Variants in KCNQ5 observed in about 807,000 individuals in gnomAD.
KCNQ5 encodes the protein potassium voltage-gated channel subfamily Q member 5.
KCNQ5 carries 30 observed loss-of-function variants against 98.2 expected under a neutral mutation model. That is an observed-to-expected ratio of 0.31 (90% CI 0.23 to 0.41). The LOEUF is 0.41. KCNQ5 is among the 10% of genes least tolerant of loss of function. KCNQ5 has a pLI of 1.00. For missense variants in KCNQ5, 835 were observed against 1,182.5 expected (o/e 0.71, Z 4.31); for synonymous variants, 458 against 449.4 (o/e 1.02, Z -0.24).
At chr6:72,748,385 G>T (rs1187497335) in intron 1 of KCNQ5, among the ~76,000 whole-genome samples, 1 of 152,002 alleles carries the variant, frequency 6.6e-6, no homozygotes, top group Non-Finnish European at 1.5e-5. Context: ...CCGCCTATTG[G>T]TGCATTACTT....
intron 1 of KCNQ5, among the ~76,000 whole-genome samples, chr6:72,791,456 G>A (rs1384419688): frequency 6.6e-6 from 1 of 152,064 alleles, no homozygotes; most frequent in Non-Finnish European, 1.5e-5. Flanking sequence ...CATGGAACTT[G>A]GGAAAACATT....
intron 1 of KCNQ5, among the ~76,000 whole-genome samples, chr6:72,682,728 A>T (rs1052784074): frequency 6.6e-6 from 1 of 152,130 alleles, no homozygotes; most frequent in Non-Finnish European, 1.5e-5. Flanking sequence ...GGTATCTTCT[A>T]TTTTACCATT....
intron 3 of KCNQ5, among the ~76,000 whole-genome samples, chr6:73,061,284 G>A (rs776346776): frequency 9.2e-5 from 14 of 152,156 alleles, no homozygotes; most frequent in Non-Finnish European, 2.1e-4. Flanking sequence ...ACTGAGGATA[G>A]CGAATGAGGA....
rs144293021 is a variant in KCNQ5, at chr6:72,939,890, G to A, written c.399-64018G>A. Among the ~76,000 whole-genome samples the A allele has an allele frequency of 1.8e-3, 269 of 152,232 alleles. 3 individuals carry two copies. Among genetic ancestry groups the A allele is most frequent in the East Asian group, 9.4e-3 (49 of 5,186 alleles). On this transcript the variant is annotated intron_variant, in intron 1 of 13. Transcript: ENST00000370398. ...ATGAAGATGAGTAAAATGTAAAAATGGGTAGAAAGATTAATAGCAACCATC... is the reference window on the plus strand; with the variant it reads ...ATGAAGATGAGTAAAATGTAAAAATAGGTAGAAAGATTAATAGCAACCATC...
intron 3 of KCNQ5, among the ~76,000 whole-genome samples, chr6:73,061,259 G>T (rs957353559): frequency 2.0e-5 from 3 of 152,152 alleles, no homozygotes; most frequent in Admixed American, 6.5e-5. Context: ...AAAAAGAAGA[G>T]AATAAAAATG....
intron 10 of KCNQ5, among the ~76,000 whole-genome samples, chr6:73,145,199 G>A (rs1018971266): frequency 2.6e-5 from 4 of 152,230 alleles, no homozygotes; most frequent in Admixed American, 6.5e-5. Context: ...CTCATGTATC[G>A]AGGCATTGGC....
intron 1 of KCNQ5, among the ~76,000 whole-genome samples, chr6:72,720,505 T>G (rs1744928945): frequency 6.6e-6 from 1 of 152,188 alleles, no homozygotes; most frequent in Non-Finnish European, 1.5e-5. Flanking sequence ...TTCTTTTCCC[T>G]TGTTCCCACA....
chr6:72,720,872 A>G (rs935471953), intron 1 of KCNQ5, among the ~76,000 whole-genome samples: 2 of 152,126 alleles, frequency 1.3e-5, no homozygotes, highest in African/African-American at 2.4e-5. Context: ...CTCAATACCT[A>G]TTGCTTCTTC....
At chr6:72,945,787 CA>C (rs1215912025) in intron 1 of KCNQ5, among the ~76,000 whole-genome samples, 6 of 152,048 alleles carry the variant, frequency 3.9e-5, no homozygotes, top group Non-Finnish European at 8.8e-5. Flanking sequence ...ATGATTATAT[CA>C]AACAAATTAA....
At chr6:73,068,163 G>A (rs1382059753) in intron 3 of KCNQ5, among the ~76,000 whole-genome samples, 1 of 152,044 alleles carries the variant, frequency 6.6e-6, no homozygotes, top group Non-Finnish European at 1.5e-5. Flanking sequence ...GGGCATGGTG[G>A]CGGGTGCCTG....
intron 1 of KCNQ5, among the ~76,000 whole-genome samples, chr6:72,954,032 C>T (rs1311379675): frequency 1.3e-5 from 2 of 152,174 alleles, no homozygotes; most frequent in African/African-American, 4.8e-5. Flanking sequence ...GCTCTTGATA[C>T]TTAAGTTCAG....
intron 3 of KCNQ5, among the ~76,000 whole-genome samples, chr6:73,065,494 T>C (rs141965324): frequency 1.0e-3 from 156 of 152,326 alleles, no homozygotes; most frequent in African/African-American, 3.6e-3. Flanking sequence ...CTGGCTTCCT[T>C]TCTGGCATCC....
At chr6:72,748,031 T>C (rs576280188) in intron 1 of KCNQ5, among the ~76,000 whole-genome samples, 1 of 152,222 alleles carries the variant, frequency 6.6e-6, no homozygotes, top group East Asian at 1.9e-4. Context: ...AATCTATACA[T>C]CTCCGAAAAG....
intron 2 of KCNQ5, among the ~76,000 whole-genome samples, chr6:73,012,803 G>A (rs1019183134): frequency 4.6e-5 from 7 of 151,680 alleles, no homozygotes; most frequent in Non-Finnish European, 8.8e-5. Flanking sequence ...CATCCTGCAC[G>A]TGTACCCCGG....
chr6:73,178,322 T>C (rs949040898), intron 11 of KCNQ5, among the ~76,000 whole-genome samples: 3 of 151,572 alleles, frequency 2.0e-5, no homozygotes, highest in Admixed American at 2.0e-4. Context: ...GTGCAGTGGC[T>C]CATGCCTATA....
chr6:72,645,204 C>CAAAAAAAAAA (rs771967081), intron 1 of KCNQ5, among the ~76,000 whole-genome samples: 35 of 117,064 alleles, frequency 3.0e-4, no homozygotes, highest in East Asian at 7.9e-4. Context: ...ACCTTGTCAC[C>CAAAAAAAAAA]AAAAAAAAAC....
chr6:72,637,095 A>C (rs1170936291), intron 1 of KCNQ5, among the ~76,000 whole-genome samples: 1 of 152,210 alleles, frequency 6.6e-6, no homozygotes, highest in Non-Finnish European at 1.5e-5. Context: ...AGTTAAACTA[A>C]ATGTTCTAGT....
intron 1 of KCNQ5, among the ~76,000 whole-genome samples, chr6:72,738,738 A>G (rs1471316389): frequency 6.6e-6 from 1 of 152,196 alleles, no homozygotes; most frequent in Non-Finnish European, 1.5e-5. Context: ...ATAAGGTATC[A>G]CATCGTGAAA....
At chr6:73,132,143 G>T (rs748700798) in intron 9 of KCNQ5, among the ~76,000 whole-genome samples, 1 of 152,228 alleles carries the variant, frequency 6.6e-6, no homozygotes, top group East Asian at 1.9e-4. Flanking sequence ...GCATGCTGCA[G>T]TTGGGGACAG....
Sources: allele counts gnomAD v4.1 joint callset (sites outside exome capture counted in the v4.1 genomes callset), GRCh38; gene constraint gnomAD v4.1.1; transcripts MANE v1.5; gene names NCBI Gene and HGNC (gene_info 2026-07-23, HGNC 2026-07-21).